The following GGACT variants were observed in gnomAD, a reference collection of about 807,000 sequenced individuals.
GGACT encodes gamma-glutamylamine cyclotransferase, also known as gamma-glutamylaminecyclotransferase.
For missense variants in GGACT, 241 were observed against 233.2 expected (o/e 1.03, Z -0.22); for synonymous variants, 118 against 115.3 (o/e 1.02, Z -0.15).
intron 2 of GGACT, among the ~76,000 whole-genome samples, chr13:100,543,094 G>A (rs116009790): frequency 4.0e-5 from 6 of 148,498 alleles, no homozygotes; most frequent in African/African-American, 9.9e-5. Context: ...CCTGGTACAC[G>A]TTTAAAAGCA....
chr13:100,554,291 T>C (rs1156385826), intron 2 of GGACT, among the ~76,000 whole-genome samples: 1 of 152,118 alleles, frequency 6.6e-6, no homozygotes, highest in Non-Finnish European at 1.5e-5. Flanking sequence ...TCCTCTCAGA[T>C]TGAAAAAACT....
chr13:100,570,010 T>C (rs1163318901), intron 2 of GGACT, among the ~76,000 whole-genome samples: 1 of 152,212 alleles, frequency 6.6e-6, no homozygotes, highest in Non-Finnish European at 1.5e-5. Flanking sequence ...GACAAAGTCA[T>C]TCAACAAGTC....
chr13:100,553,837 C>T (rs1343640308), intron 2 of GGACT, among the ~76,000 whole-genome samples: 2 of 87,942 alleles, frequency 2.3e-5, no homozygotes, highest in Non-Finnish European at 4.2e-5. Context: ...AAGCGAGACT[C>T]CATCTCAAAA....
intron 2 of GGACT, among the ~76,000 whole-genome samples, chr13:100,557,570 CA>C (rs949213830): frequency 3.3e-5 from 5 of 151,356 alleles, no homozygotes; most frequent in African/African-American, 7.3e-5. Context: ...TATCCATATG[CA>C]AAAAAAATAG....
At chr13:100,570,427 C>G (rs1875046499) in intron 2 of GGACT, among the ~76,000 whole-genome samples, 1 of 152,082 alleles carries the variant, frequency 6.6e-6, no homozygotes, top group African/African-American at 2.4e-5. Flanking sequence ...GGGGGAAGCC[C>G]CTTATAAAAC....
At chr13:100,561,593 A>G (rs556914450) in intron 2 of GGACT, among the ~76,000 whole-genome samples, 2 of 152,330 alleles carry the variant, frequency 1.3e-5, no homozygotes, top group African/African-American at 4.8e-5. Flanking sequence ...AGTGCTGGCT[A>G]AACACCCAGC....
chr13:100,530,751 G>A lies in GGACT; in HGVS notation c.*1379C>T. 5.8e-6 allele frequency: 1 copy of A among 173,800 alleles called. No individual in the cohort carries two copies. Among genetic ancestry groups the A allele is most frequent in the Admixed American group, 5.6e-5 (1 of 17,948 alleles). 10.8% of individuals were successfully genotyped at this position (173,800 alleles called of 1,614,324 possible). The stretch of plus-strand genomic sequence containing the variant: ...ACTGTTGGTGGCTGACTCCCCTGGA[G>A]GTCACCCTGAAGCTTCCTGGTTGGC... On this transcript the variant is annotated 3_prime_UTR_variant, in exon 3 of 3. Coordinates refer to ENST00000683975, the MANE Select transcript of GGACT (RefSeq NM_001195087.2).
rs1211575227 is a variant in GGACT at position 100,531,848 on chromosome 13, C to G, written c.*282G>C. ...AAAGCAGAGCCAACAGCAGAAACAACACGAGGAGGAAGAAGAATTAGGCAT... is the reference window on the plus strand; with the variant it reads ...AAAGCAGAGCCAACAGCAGAAACAAGACGAGGAGGAAGAAGAATTAGGCAT... On this transcript the variant is annotated 3_prime_UTR_variant, in exon 3 of 3. Transcript: ENST00000683975. 2 of 349,578 alleles carry G rather than the reference C, an allele frequency of 5.7e-6. No individual in the cohort carries two copies. The highest frequency in any genetic ancestry group is 8.6e-5 in the Admixed American group (2 of 23,370). 21.7% of individuals were successfully genotyped at this position (349,578 alleles called of 1,614,324 possible).
chr13:100,577,426 T>A lies in GGACT; in HGVS notation c.-11+6399A>T, dbSNP rs943543291. 4.7e-3 allele frequency among the ~76,000 whole-genome samples: 671 copies of A among 141,950 alleles called. 7 individuals carry two copies. Among genetic ancestry groups the A allele is most frequent in the African/African-American group, 0.018 (648 of 35,070 alleles). The allele number at this position is 141,950 out of a possible 152,430, so 93.1% of individuals were successfully genotyped here. On this transcript the variant is annotated intron_variant, in intron 2 of 2. Transcript: ENST00000683975. Reference sequence around the variant, plus strand: ...AGCGAGACTCCATCTCAAAAATAAATAAATAAATAAATAAATAAATAAATA... The same window carrying A: ...AGCGAGACTCCATCTCAAAAATAAAAAAATAAATAAATAAATAAATAAATA...
intron 2 of GGACT, among the ~76,000 whole-genome samples, chr13:100,572,492 T>C (rs1316427138): frequency 3.3e-5 from 5 of 152,230 alleles, no homozygotes; most frequent in African/African-American, 1.2e-4. Flanking sequence ...TGAATATACT[T>C]AATACTACTG....
chr13:100,551,176 C>T (rs1382818444), intron 2 of GGACT, among the ~76,000 whole-genome samples: 2 of 151,662 alleles, frequency 1.3e-5, no homozygotes, highest in African/African-American at 2.4e-5. Context: ...CCCAGCTACT[C>T]GGGAGGCTGA....
At chr13:100,547,858 A>G (rs2088622507) in intron 2 of GGACT, among the ~76,000 whole-genome samples, 1 of 152,368 alleles carries the variant, frequency 6.6e-6, no homozygotes, top group South Asian at 2.1e-4. Flanking sequence ...GGCCCCATGC[A>G]CACCAGCTGT....
chr13:100,556,442 C>G (rs538177282), intron 2 of GGACT, among the ~76,000 whole-genome samples: 1 of 152,010 alleles, frequency 6.6e-6, no homozygotes, highest in Non-Finnish European at 1.5e-5. Flanking sequence ...GACCTGTGCA[C>G]TGAAAATTCC....
intron 2 of GGACT, chr13:100,536,034 T>C (rs1037930227): frequency 2.6e-5 from 4 of 152,180 alleles, no homozygotes; most frequent in Non-Finnish European, 5.9e-5. Flanking sequence ...TTTTGGTTAA[T>C]AACATGGCTG....
intron 2 of GGACT, among the ~76,000 whole-genome samples, chr13:100,542,412 C>G (rs187665290): frequency 1.3e-5 from 2 of 152,182 alleles, no homozygotes; most frequent in Non-Finnish European, 2.9e-5. Flanking sequence ...ATCTAAAAAG[C>G]GTGTTCCAGC....
intron 2 of GGACT, among the ~76,000 whole-genome samples, chr13:100,579,852 G>C (rs1307974257): frequency 6.6e-6 from 1 of 152,104 alleles, no homozygotes; most frequent in Non-Finnish European, 1.5e-5. Context: ...GTTAATCTTT[G>C]TCATTGGGGT....
At chr13:100,558,710 A>G (rs956278343) in intron 2 of GGACT, among the ~76,000 whole-genome samples, 3 of 152,206 alleles carry the variant, frequency 2.0e-5, no homozygotes, top group Non-Finnish European at 4.4e-5. Context: ...GGAGGATGCT[A>G]TGTGAAATGA....
chr13:100,563,295 G>T (rs1197840158), intron 2 of GGACT, among the ~76,000 whole-genome samples: 1 of 152,138 alleles, frequency 6.6e-6, no homozygotes, highest in Non-Finnish European at 1.5e-5. Context: ...ACAGGTAGGG[G>T]GATGGGGGCT....
chr13:100,531,783 CTT>C lies in GGACT; in HGVS notation c.*345_*346del. On this transcript the variant is annotated 3_prime_UTR_variant, in exon 3 of 3. Coordinates refer to ENST00000683975, the MANE Select transcript of GGACT (RefSeq NM_001195087.2). The stretch of plus-strand genomic sequence containing the variant: ...CTAAAATCTAGCGGCAACACCAAGT[CTT>C]TACACTGATCCTAAATATTTATTAT... 5.1e-6 allele frequency: 1 copy of C among 194,420 alleles called. No individual in the cohort carries two copies. The highest frequency in any genetic ancestry group is 9.3e-6 in the Non-Finnish European group (1 of 107,408). The allele number at this position is 194,420 out of a possible 1,614,324, so 12.0% of individuals were successfully genotyped here. A position where few individuals can be genotyped will look rare whatever the true frequency, so the allele number is the denominator to read the frequency against.
Sources: allele counts gnomAD v4.1 joint callset (sites outside exome capture counted in the v4.1 genomes callset), GRCh38; gene constraint gnomAD v4.1.1; transcripts MANE v1.5; gene names NCBI Gene and HGNC (gene_info 2026-07-23, HGNC 2026-07-21).